Variants in NEBL observed in about 807,000 individuals in gnomAD.
NEBL encodes LIM and SH3 protein 2.
NEBL carries 122 observed loss-of-function variants against 140.2 expected under a neutral mutation model. That is an observed-to-expected ratio of 0.87 (90% CI 0.75 to 1.01). The LOEUF is 1.01. Among genes scored for constraint, NEBL ranks in the 50% least tolerant of loss-of-function variants. The pLI is 0.00. For synonymous variants in NEBL, 436 were observed against 398.9 expected (o/e 1.09, Z -1.11); for missense variants, 1,365 against 1,231.3 (o/e 1.11, Z -1.62).
chr10:20,892,130 AT>A (rs1475803821), intron 2 of NEBL, among the ~76,000 whole-genome samples: 1 of 152,256 alleles, frequency 6.6e-6, no homozygotes, highest in Non-Finnish European at 1.5e-5. Context: ...GCCCAGATGG[AT>A]TAATGAGAGC....
chr10:21,092,397 G>A (rs1836962006), intron 2 of NEBL, among the ~76,000 whole-genome samples: 1 of 152,006 alleles, frequency 6.6e-6, no homozygotes, highest in South Asian at 2.1e-4. Flanking sequence ...GCAAAACCCT[G>A]TTTTTTACTA....
chr10:20,983,584 T>C lies in NEBL; in HGVS notation c.250-21805A>G, dbSNP rs79145685. 1.8e-3 allele frequency among the ~76,000 whole-genome samples: 274 copies of C among 152,338 alleles called. 11 individuals carry two copies. The East Asian group carries it at 0.048, about 27-fold the overall frequency. On this transcript the variant is annotated intron_variant, in intron 3 of 6. Transcript: ENST00000417816. ...TCGTTGTACCCAAAATATCTGTCCA[T>C]AGGTATTCACAAGCATCCAGTGATA... is the stretch of plus-strand genomic sequence containing the variant.
chr10:21,147,746 A>C (rs1425489304), intron 2 of NEBL, among the ~76,000 whole-genome samples: 1 of 152,198 alleles, frequency 6.6e-6, no homozygotes, highest in Non-Finnish European at 1.5e-5. Flanking sequence ...TGCCCAGAGC[A>C]ACTCATGTTC....
intron 2 of NEBL, among the ~76,000 whole-genome samples, chr10:21,072,850 G>A (rs917855365): frequency 3.3e-5 from 5 of 152,188 alleles, no homozygotes; most frequent in Non-Finnish European, 7.3e-5. Context: ...AGTTAGCCAG[G>A]CGTGGTGGCA....
At chr10:20,887,291 T>G (rs1244524683) in intron 4 of NEBL, among the ~76,000 whole-genome samples, 1 of 152,092 alleles carries the variant, frequency 6.6e-6, no homozygotes, top group African/African-American at 2.4e-5. Context: ...AACTTCCACC[T>G]GATGGGGGCT....
In NEBL at chr10:21,126,520, G is replaced by A. The variant is rs372397612; in HGVS notation, c.164+45863C>T. Among the ~76,000 whole-genome samples, 67 of 152,272 alleles carry A rather than the reference G, an allele frequency of 4.4e-4. No individual in the cohort carries two copies. In the South Asian group the frequency reaches 0.013, roughly 30 times the overall value. The stretch of plus-strand genomic sequence containing the variant: ...TTTTAGCATAAGAGATTTAGTCGTA[G>A]AATATTAGCATACACCATCTTTTTT... On this transcript the variant is annotated intron_variant, in intron 2 of 6. Transcript: ENST00000417816.
At chr10:21,135,434 T>TG (rs1564523291) in intron 2 of NEBL, among the ~76,000 whole-genome samples, 1 of 134,886 alleles carries the variant, frequency 7.4e-6, no homozygotes, top group African/African-American at 2.7e-5. Flanking sequence ...TCAGTGGAGA[T>TG]AAAAAAAAAA....
chr10:21,070,596 T>C (rs1245480401), intron 2 of NEBL, among the ~76,000 whole-genome samples: 3 of 152,082 alleles, frequency 2.0e-5, no homozygotes, highest in Non-Finnish European at 4.4e-5. Context: ...GGCGATTAGA[T>C]TTAATACCAC....
At chr10:20,791,057 T>G (rs890338527) in intron 26 of NEBL, among the ~76,000 whole-genome samples, 1 of 152,218 alleles carries the variant, frequency 6.6e-6, no homozygotes, top group Admixed American at 6.5e-5. Context: ...GGTTGTTTTA[T>G]GTCAACAAGA....
intron 3 of NEBL, among the ~76,000 whole-genome samples, chr10:21,004,161 C>T (rs1838022699): frequency 6.6e-6 from 1 of 152,148 alleles, no homozygotes; most frequent in African/African-American, 2.4e-5. Flanking sequence ...AACTGACCTA[C>T]ATTGATTCCT....
chr10:20,835,931 G>A (rs985889397), intron 13 of NEBL, among the ~76,000 whole-genome samples: 2 of 152,182 alleles, frequency 1.3e-5, no homozygotes, highest in Admixed American at 6.5e-5. Context: ...ATGAGCTGCT[G>A]TTGTACAAAA....
At chr10:20,927,624 G>A (rs1833975652) in intron 4 of NEBL, among the ~76,000 whole-genome samples, 1 of 152,168 alleles carries the variant, frequency 6.6e-6, no homozygotes, top group Non-Finnish European at 1.5e-5. Context: ...TATCTTTTAA[G>A]TGTTCGTGTA....
intron 1 of NEBL, among the ~76,000 whole-genome samples, chr10:21,259,923 G>A (rs528380256): frequency 6.6e-6 from 1 of 152,328 alleles, no homozygotes; most frequent in South Asian, 2.1e-4. Context: ...CCTGAAGGCA[G>A]TTGGCAGCCA....
intron 12 of NEBL, among the ~76,000 whole-genome samples, chr10:20,844,062 C>G (rs1292223627): frequency 6.6e-6 from 1 of 152,058 alleles, no homozygotes; most frequent in East Asian, 1.9e-4. Flanking sequence ...TTACTAGGAA[C>G]TAGAAGTGAG....
At chr10:21,166,693 T>C (rs1365168204) in intron 2 of NEBL, among the ~76,000 whole-genome samples, 1 of 152,228 alleles carries the variant, frequency 6.6e-6, no homozygotes, top group Non-Finnish European at 1.5e-5. Flanking sequence ...GAGAAACTGA[T>C]GCTTGGCAAT....
intron 13 of NEBL, among the ~76,000 whole-genome samples, chr10:20,839,007 G>A (rs1371928398): frequency 2.0e-5 from 3 of 152,074 alleles, no homozygotes; most frequent in Non-Finnish European, 2.9e-5. Flanking sequence ...TTATTAGAGT[G>A]GTCTGGAACC....
intron 4 of NEBL, among the ~76,000 whole-genome samples, chr10:20,954,209 C>T (rs1032663725): frequency 2.6e-5 from 4 of 152,098 alleles, no homozygotes; most frequent in African/African-American, 9.7e-5. Context: ...GATATGTAGA[C>T]CTTGAAAGAG....
chr10:20,910,545 A>G (rs1189459019), intron 4 of NEBL, among the ~76,000 whole-genome samples: 1 of 152,192 alleles, frequency 6.6e-6, no homozygotes, highest in Non-Finnish European at 1.5e-5. Context: ...TGCATGAACC[A>G]TGGTCAGAGA....
intron 2 of NEBL, among the ~76,000 whole-genome samples, chr10:21,033,733 T>C (rs1337674883): frequency 3.2e-5 from 4 of 124,048 alleles, no homozygotes; most frequent in Non-Finnish European, 1.7e-5. Flanking sequence ...GAGCGAGACT[T>C]TGTCTCCGAA....
Sources: allele counts gnomAD v4.1 joint callset (sites outside exome capture counted in the v4.1 genomes callset), GRCh38; gene constraint gnomAD v4.1.1; transcripts MANE v1.5; gene names NCBI Gene and HGNC (gene_info 2026-07-23, HGNC 2026-07-21).